Variants in SHISA9 observed in about 807,000 individuals in gnomAD.
The protein encoded by SHISA9 is protein shisa-9.
In SHISA9, 13 loss-of-function variants were observed where a neutral mutation model predicts 38.0. The observed-to-expected ratio is 0.34, with a 90% CI of 0.22 to 0.54. The LOEUF (loss-of-function observed/expected upper bound fraction) is 0.54, where lower values mean the gene tolerates loss of function less well. Ranked by LOEUF, SHISA9 falls within the 20% of genes least tolerant of loss-of-function variation. The pLI, the probability that SHISA9 is intolerant of heterozygous loss-of-function variation, is 0.91. For synonymous variants in SHISA9, 275 were observed against 242.0 expected (o/e 1.14, Z -1.27); for missense variants, 538 against 575.8 (o/e 0.93, Z 0.67).
chr16:13,433,105 G>GAAA, the SHISA9 span, among the ~76,000 whole-genome samples: 13 of 142,810 alleles, frequency 9.1e-5, no homozygotes, highest in African/African-American at 3.0e-4. Context: ...GCTTGAAAAT[G>GAAA]AAAAAAAAAA....
chr16:12,928,867 C>A (rs1942658165), intron 2 of SHISA9, among the ~76,000 whole-genome samples: 1 of 152,156 alleles, frequency 6.6e-6, no homozygotes, highest in African/African-American at 2.4e-5. Flanking sequence ...TAATAACTGA[C>A]AAAGACGTTG....
At chr16:13,142,705 C>G (rs1053828104) in intron 2 of SHISA9, among the ~76,000 whole-genome samples, 2 of 152,064 alleles carry the variant, frequency 1.3e-5, no homozygotes, top group Non-Finnish European at 2.9e-5. Flanking sequence ...CTCATTATTA[C>G]CTTTATTTTA....
At chr16:13,146,047 G>A (rs989017456) in intron 2 of SHISA9, among the ~76,000 whole-genome samples, 6 of 152,210 alleles carry the variant, frequency 3.9e-5, no homozygotes, top group African/African-American at 1.4e-4. Flanking sequence ...AATTAGCGAG[G>A]TGTGGTGGTG....
chr16:13,434,992 T>C, the SHISA9 span, among the ~76,000 whole-genome samples: 2 of 152,204 alleles, frequency 1.3e-5, no homozygotes, highest in African/African-American at 4.8e-5. Context: ...CTGTTTAAAA[T>C]GAAAAATACA....
At chr16:13,559,910 T>A in the SHISA9 span, among the ~76,000 whole-genome samples, 1 of 152,176 alleles carries the variant, frequency 6.6e-6, no homozygotes, top group Non-Finnish European at 1.5e-5. Context: ...ACTGGAAAGA[T>A]TGACTTGATT....
the SHISA9 span, among the ~76,000 whole-genome samples, chr16:13,511,320 G>C: frequency 6.6e-6 from 1 of 152,184 alleles, no homozygotes; most frequent in African/African-American, 2.4e-5. Flanking sequence ...AATACCCAGA[G>C]TGAATAGAGA....
the SHISA9 span, among the ~76,000 whole-genome samples, chr16:13,454,264 C>T: frequency 6.6e-6 from 1 of 152,008 alleles, no homozygotes; most frequent in East Asian, 1.9e-4. Context: ...GATACTATGT[C>T]AATGTAAATT....
the SHISA9 span, among the ~76,000 whole-genome samples, chr16:13,305,237 C>G: frequency 6.6e-6 from 1 of 152,298 alleles, no homozygotes; most frequent in East Asian, 1.9e-4. Context: ...TACAATCTGT[C>G]ACGTGAAGTC....
chr16:13,104,975 C>T (rs2073912496), intron 2 of SHISA9, among the ~76,000 whole-genome samples: 1 of 152,142 alleles, frequency 6.6e-6, no homozygotes, highest in Non-Finnish European at 1.5e-5. Flanking sequence ...TTGGTTGAGC[C>T]TCAGTTTCCC....
intron 2 of SHISA9, among the ~76,000 whole-genome samples, chr16:12,945,162 C>T (rs1191728464): frequency 1.3e-5 from 2 of 152,102 alleles, no homozygotes; most frequent in African/African-American, 2.4e-5. Flanking sequence ...GCAAAGTTAC[C>T]AGGCAGAGAG....
chr16:13,507,018 G>A, the SHISA9 span, among the ~76,000 whole-genome samples: 1 of 151,898 alleles, frequency 6.6e-6, no homozygotes, highest in Non-Finnish European at 1.5e-5. Flanking sequence ...ACTCCCTGCT[G>A]GGTAACAGAA....
chr16:13,169,491 C>T (rs1352039271), intron 2 of SHISA9, among the ~76,000 whole-genome samples: 1 of 152,184 alleles, frequency 6.6e-6, no homozygotes, highest in Non-Finnish European at 1.5e-5. Flanking sequence ...TTAAAAAAAT[C>T]ATAATCCCAT....
chr16:12,942,977 C>G (rs895034670), intron 2 of SHISA9, among the ~76,000 whole-genome samples: 3 of 152,128 alleles, frequency 2.0e-5, no homozygotes, highest in African/African-American at 7.2e-5. Context: ...AGTTTTCAGA[C>G]AGGCTCTTTC....
intron 2 of SHISA9, among the ~76,000 whole-genome samples, chr16:12,924,807 G>A (rs1348781523): frequency 6.6e-6 from 1 of 152,190 alleles, no homozygotes. Flanking sequence ...ACACAGACTT[G>A]AGGGGTAGAC....
intron 2 of SHISA9, among the ~76,000 whole-genome samples, chr16:13,003,564 A>T (rs778758721): frequency 6.6e-6 from 1 of 152,166 alleles, no homozygotes; most frequent in Admixed American, 6.5e-5. Context: ...ACAGCAAATA[A>T]TGATGAGTTA....
chr16:13,176,319 C>T (rs960891191), intron 2 of SHISA9, among the ~76,000 whole-genome samples: 8 of 152,094 alleles, frequency 5.3e-5, no homozygotes, highest in Non-Finnish European at 8.8e-5. Context: ...TTGACTGACA[C>T]GAGTCATCTG....
At chr16:13,556,705 C>G in the SHISA9 span, among the ~76,000 whole-genome samples, 1 of 151,928 alleles carries the variant, frequency 6.6e-6, no homozygotes, top group South Asian at 2.1e-4. Flanking sequence ...AAACACTCAG[C>G]CCTCCATATC....
At chr16:13,397,905 T>C in the SHISA9 span, among the ~76,000 whole-genome samples, 1 of 152,110 alleles carries the variant, frequency 6.6e-6, no homozygotes, top group South Asian at 2.1e-4. Flanking sequence ...CAAGGTTTAA[T>C]TGAGTGGAAG....
At chr16:13,019,864 CTCCCTCCCTCCCTCCCTCCCTTCT>C in intron 2 of SHISA9, among the ~76,000 whole-genome samples, 1 of 31,434 alleles carries the variant, frequency 3.2e-5, no homozygotes, top group African/African-American at 1.5e-4. Context: ...CCCTCCCTCC[CTCCCTCCCTCCCTCCCTCCCTTCT>C]TTCTTTCTTT....
Sources: allele counts gnomAD v4.1 joint callset (sites outside exome capture counted in the v4.1 genomes callset), GRCh38; gene constraint gnomAD v4.1.1; transcripts MANE v1.5; gene names NCBI Gene and HGNC (gene_info 2026-07-23, HGNC 2026-07-21).